The following CADM1 variants were observed in gnomAD, a reference collection of about 807,000 sequenced individuals.
The protein encoded by CADM1 is cell adhesion molecule 1, also known as TSLC-1.
In CADM1, 15 loss-of-function variants were observed where a neutral mutation model predicts 53.1. The ratio of observed to expected loss-of-function variants is 0.28; its 90% confidence interval spans 0.19 to 0.44. CADM1 has a LOEUF of 0.44. CADM1 is among the 20% of genes least tolerant of loss of function. The pLI is 1.00. For synonymous variants in CADM1, 281 were observed against 243.0 expected, an observed-to-expected ratio of 1.16 and a Z score of -1.45; for missense variants, 434 against 611.3, an observed-to-expected ratio of 0.71 and a Z score of 3.06.
chr11:115,258,924 C>T (rs963771048), intron 1 of CADM1, among the ~76,000 whole-genome samples: 5 of 152,028 alleles, frequency 3.3e-5, no homozygotes, highest in African/African-American at 1.2e-4. Context: ...AAATGGTAGT[C>T]ATAGGTGCCC....
chr11:115,292,910 C>T (rs1422782860), intron 1 of CADM1, among the ~76,000 whole-genome samples: 1 of 152,156 alleles, frequency 6.6e-6, no homozygotes, highest in Non-Finnish European at 1.5e-5. Context: ...GACAAGGACG[C>T]CCCTTGCTAT....
chr11:115,380,639 A>G (rs1368467054), intron 1 of CADM1, among the ~76,000 whole-genome samples: 2 of 152,100 alleles, frequency 1.3e-5, no homozygotes, highest in Non-Finnish European at 2.9e-5. Flanking sequence ...GGATATTAGC[A>G]TTAAAAGACT....
rs574160893 is a variant in CADM1, at chr11:115,273,509, C to A, written c.125-33089G>T. On this transcript the variant is annotated intron_variant, in intron 1 of 11. Transcript: ENST00000331581. ...TTCAGACAGAGGGAAATAAATGAAACCCACTGATCTTTGTTACTAGAAGTA... is the reference window on the plus strand; with the variant it reads ...TTCAGACAGAGGGAAATAAATGAAAACCACTGATCTTTGTTACTAGAAGTA... Among the ~76,000 whole-genome samples, 9 of 152,136 alleles carry A rather than the reference C, an allele frequency of 5.9e-5. No homozygotes were observed. The East Asian group carries it at 1.7e-3, about 29-fold the overall frequency.
chr11:115,194,206 A>G (rs985383082), intron 9 of CADM1: 1 of 152,266 alleles, frequency 6.6e-6, no homozygotes, highest in Non-Finnish European at 1.5e-5. Context: ...AGATGTACAT[A>G]GAGGCACATA....
intron 1 of CADM1, among the ~76,000 whole-genome samples, chr11:115,357,092 C>T (rs922704669): frequency 6.6e-6 from 1 of 152,140 alleles, no homozygotes; most frequent in Admixed American, 6.6e-5. Flanking sequence ...ATGCTCTCTT[C>T]ATCCCCCTCC....
chr11:115,362,659 TG>T (rs1260897398), intron 1 of CADM1, among the ~76,000 whole-genome samples: 2 of 152,170 alleles, frequency 1.3e-5, no homozygotes, highest in East Asian at 3.8e-4. Context: ...AGGCAGATCT[TG>T]GCAGAGACAG....
chr11:115,462,041 G>C (rs1250342048), intron 1 of CADM1, among the ~76,000 whole-genome samples: 2 of 152,134 alleles, frequency 1.3e-5, no homozygotes, highest in Non-Finnish European at 2.9e-5. Flanking sequence ...GGAGAAAAAA[G>C]AGCTAGCCCA....
At chr11:115,440,155 G>A (rs1948277226) in intron 1 of CADM1, among the ~76,000 whole-genome samples, 2 of 152,170 alleles carry the variant, frequency 1.3e-5, no homozygotes, top group Admixed American at 1.3e-4. Context: ...CAAAAAATTA[G>A]TTGGCATAAT....
Position 115,176,594 on chromosome 11 carries a change from T to C in CADM1, c.1298-2A>G. 6.2e-7 allele frequency: 1 copy of C among 1,613,030 alleles called. No individual in the cohort carries two copies. Among genetic ancestry groups the C allele is most frequent in the Non-Finnish European group, 8.5e-7 (1 of 1,179,062 alleles). On this transcript the variant is annotated splice_acceptor_variant, in intron 11 of 11. Coordinates refer to ENST00000331581, the MANE Select transcript of CADM1 (RefSeq NM_001301043.2). LOFTEE classifies it high-confidence loss of function. ...TGGCTTCATGAGTGAAGTATGTACC[T>C]GAAAGATGAAGGGGTAAAGCACCGT...
chr11:115,455,154 G>T (rs11822691), intron 1 of CADM1, among the ~76,000 whole-genome samples: 37,894 of 151,812 alleles, frequency 0.25, 5,262 homozygotes, highest in East Asian at 0.48. Context: ...TATTAACATG[G>T]CAAGTCCTTG....
At chr11:115,396,245 G>A (rs1048126601) in intron 1 of CADM1, among the ~76,000 whole-genome samples, 1 of 152,180 alleles carries the variant, frequency 6.6e-6, no homozygotes, top group East Asian at 1.9e-4. Context: ...CAAAGGGCGC[G>A]TGTCCTTGTG....
At chr11:115,205,944 G>A (rs1269602936) in intron 8 of CADM1, among the ~76,000 whole-genome samples, 1 of 152,206 alleles carries the variant, frequency 6.6e-6, no homozygotes, top group African/African-American at 2.4e-5. Flanking sequence ...ATGGGGCTAT[G>A]TCCCAATCAA....
intron 1 of CADM1, among the ~76,000 whole-genome samples, chr11:115,379,354 A>T (rs1946519613): frequency 6.6e-6 from 1 of 152,240 alleles, no homozygotes; most frequent in African/African-American, 2.4e-5. Flanking sequence ...TACTGACAAT[A>T]AACTTACTAC....
chr11:115,422,977 AAAAG>A (rs1466448635), intron 1 of CADM1, among the ~76,000 whole-genome samples: 6 of 152,306 alleles, frequency 3.9e-5, no homozygotes, highest in Non-Finnish European at 8.8e-5. Flanking sequence ...ACAAAAAATG[AAAAG>A]AAAGTTACTG....
chr11:115,238,752 A>G, intron 2 of CADM1, 100 bp from the exon 3 acceptor site: 2 of 1,298,280 alleles, frequency 1.5e-6, no homozygotes, highest in South Asian at 2.4e-5. Flanking sequence ...ATACTTCTTG[A>G]CTTACTATTT....
At chr11:115,268,327 G>A (rs1468203408) in intron 1 of CADM1, among the ~76,000 whole-genome samples, 1 of 152,218 alleles carries the variant, frequency 6.6e-6, no homozygotes, top group Non-Finnish European at 1.5e-5. Flanking sequence ...TTTGGGATAT[G>A]CATTTCAGCC....
At chr11:115,317,982 CTACA>C (rs778258055) in intron 1 of CADM1, among the ~76,000 whole-genome samples, 1 of 64,408 alleles carries the variant, frequency 1.6e-5, no homozygotes, top group Non-Finnish European at 3.0e-5. Flanking sequence ...CTATTACACA[CTACA>C]CACACACACA....
At chr11:115,357,827 T>C (rs1945917037) in intron 1 of CADM1, among the ~76,000 whole-genome samples, 1 of 152,164 alleles carries the variant, frequency 6.6e-6, no homozygotes, top group Non-Finnish European at 1.5e-5. Context: ...TGTTTTAATT[T>C]AATGAGTACT....
intron 1 of CADM1, among the ~76,000 whole-genome samples, chr11:115,473,542 T>C (rs774033403): frequency 6.6e-6 from 1 of 152,128 alleles, no homozygotes; most frequent in Non-Finnish European, 1.5e-5. Flanking sequence ...TACACAAATA[T>C]GGTCAATTGA....
Sources: gnomAD v4.1 joint callset for allele counts (sites outside exome capture counted in the v4.1 genomes callset) on GRCh38, gnomAD v4.1.1 for gene constraint, MANE v1.5 for transcripts, NCBI Gene and HGNC (gene_info 2026-07-23, HGNC 2026-07-21) for gene names.